The following ME2 variants were observed in gnomAD, a reference collection of about 807,000 sequenced individuals.
ME2 encodes the protein NAD-dependent malic enzyme, mitochondrial.
Under a neutral mutation model 73.7 loss-of-function variants are expected in ME2, and 60 were observed. The observed-to-expected ratio is 0.81, with a 90% CI of 0.66 to 1.01. The LOEUF (loss-of-function observed/expected upper bound fraction) is 1.01, where lower values mean the gene tolerates loss of function less well. Ranked by LOEUF, ME2 falls within the 50% of genes least tolerant of loss-of-function variation. The probability of loss-of-function intolerance (pLI) is 0.00; values close to 1 mark genes in which losing one functional copy is unlikely to be tolerated. For missense variants in ME2, 594 were observed against 705.5 expected (o/e 0.84, Z 1.79); for synonymous variants, 199 against 236.9 (o/e 0.84, Z 1.47).
intron 3 of ME2, among the ~76,000 whole-genome samples, 185 bp from the exon 4 acceptor site, chr18:50,912,616 A>G (rs1011875409): frequency 1.3e-5 from 2 of 152,002 alleles, no homozygotes; most frequent in Admixed American, 6.6e-5. Context: ...GTACCCTCAT[A>G]TTTTTGTTAA....
intron 1 of ME2, among the ~76,000 whole-genome samples, chr18:50,882,352 C>T (rs1599079357): frequency 2.0e-5 from 3 of 152,108 alleles, no homozygotes; most frequent in Admixed American, 2.0e-4. Context: ...TAGACTATTT[C>T]GTATGGGTTT....
At chr18:50,895,985 T>G in intron 2 of ME2, 57 bp downstream of exon 2, 3 of 1,171,636 alleles carry the variant, frequency 2.6e-6, no homozygotes, top group African/African-American at 1.5e-5. Flanking sequence ...GTTTGATATA[T>G]TTAAGACTGA....
chr18:50,930,590 A>G (rs1478025581), intron 12 of ME2, among the ~76,000 whole-genome samples: 1 of 152,202 alleles, frequency 6.6e-6, no homozygotes, highest in Non-Finnish European at 1.5e-5. Context: ...GGAGGCAGGG[A>G]TGGTGACCTG....
intron 2 of ME2, among the ~76,000 whole-genome samples, chr18:50,901,474 T>C (rs1916888015): frequency 6.6e-6 from 1 of 152,212 alleles, no homozygotes; most frequent in South Asian, 2.1e-4. Context: ...AAATATTTGG[T>C]TGAATCAGAG....
rs1394648882 is a variant in ME2, at chr18:50,951,535, G to A, written c.*4351G>A. On this transcript the variant is annotated 3_prime_UTR_variant, in exon 16 of 16. Transcript: ENST00000321341. ...ATTCTTTTCTCCTCTCTTCTTTGACGTGTTACGTTGTCTTTTTTTTTTTTT... is the reference window on the plus strand; with the variant it reads ...ATTCTTTTCTCCTCTCTTCTTTGACATGTTACGTTGTCTTTTTTTTTTTTT... The A allele has an allele frequency of 2.1e-5, 3 of 141,208 alleles. No individual in the cohort carries two copies. The highest frequency in any genetic ancestry group is 8.0e-5 in the Admixed American group (1 of 12,546). 8.7% of individuals were successfully genotyped at this position (141,208 alleles called of 1,614,324 possible). A position where few individuals can be genotyped will look rare whatever the true frequency, so the allele number is the denominator to read the frequency against.
At chr18:50,913,925 T>A (rs886969760) in intron 4 of ME2, among the ~76,000 whole-genome samples, 4 of 150,808 alleles carry the variant, frequency 2.7e-5, no homozygotes, top group African/African-American at 9.8e-5. Context: ...GTTTTCTTAT[T>A]CCTCTAATCC....
At chr18:50,894,301 C>T (rs551466782) in intron 1 of ME2, among the ~76,000 whole-genome samples, 3 of 152,314 alleles carry the variant, frequency 2.0e-5, no homozygotes, top group Non-Finnish European at 4.4e-5. Context: ...CGGTGGCCCA[C>T]GCCTGTAATC....
chr18:50,900,871 T>G, intron 2 of ME2, among the ~76,000 whole-genome samples: 1 of 152,210 alleles, frequency 6.6e-6, no homozygotes, highest in Non-Finnish European at 1.5e-5. Context: ...GTAAGTTTCC[T>G]GAGGTCTCCC....
At chr18:50,924,252 C>A (rs765484060) in intron 11 of ME2, 40 bp downstream of exon 11, 1 of 1,320,476 alleles carries the variant, frequency 7.6e-7, no homozygotes, top group Non-Finnish European at 1.1e-6. Context: ...TACTCCCTAA[C>A]TGTATGTTGC....
At chr18:50,940,743 G>A (rs1917929734) in intron 15 of ME2, among the ~76,000 whole-genome samples, 1 of 152,148 alleles carries the variant, frequency 6.6e-6, no homozygotes, top group African/African-American at 2.4e-5. Context: ...TTGGATTACT[G>A]GCATGAGCCA....
In ME2 at chr18:50,949,586, C is replaced by A. The variant is rs1421573511; in HGVS notation, c.*2402C>A. 6.6e-6 allele frequency: 1 copy of A among 152,112 alleles called. No homozygotes were observed. Among genetic ancestry groups the A allele is most frequent in the Non-Finnish European group, 1.5e-5 (1 of 68,012 alleles). 9.4% of individuals were successfully genotyped at this position (152,112 alleles called of 1,614,324 possible). ...GTGTGAAATCTTGATTTTAGTTCAA[C>A]CTAAGAAATATAATAAATATAAACC... On this transcript the variant is annotated 3_prime_UTR_variant, in exon 16 of 16. Transcript: ENST00000321341.
At chr18:50,939,140 G>GAA (rs56350434) in intron 13 of ME2, 65 of 118,536 alleles carry the variant, frequency 5.5e-4, no homozygotes, top group Non-Finnish European at 8.6e-4. Context: ...AAAAAAAAAA[G>GAA]AAAAAAAAAA....
intron 2 of ME2, among the ~76,000 whole-genome samples, chr18:50,900,270 TTTTA>T (rs201561556): frequency 0.61 from 85,568 of 140,692 alleles, 26,316 homozygotes; most frequent in South Asian, 0.72. Context: ...GTAAGAATAA[TTTTA>T]TTTATTTATT....
intron 12 of ME2, among the ~76,000 whole-genome samples, chr18:50,929,350 G>A (rs567023900): frequency 6.6e-5 from 10 of 151,776 alleles, no homozygotes; most frequent in Middle Eastern, 3.4e-3. Context: ...TTAGCCAGGT[G>A]TGGTGGCTCA....
intron 13 of ME2, among the ~76,000 whole-genome samples, chr18:50,938,282 C>T (rs890213900): frequency 1.3e-5 from 2 of 152,086 alleles, no homozygotes; most frequent in African/African-American, 4.8e-5. Flanking sequence ...TGAGCTTGTG[C>T]CACTGTACTC....
At chr18:50,886,779 TC>T (rs368677984) in intron 1 of ME2, among the ~76,000 whole-genome samples, 1 of 151,862 alleles carries the variant, frequency 6.6e-6, no homozygotes, top group African/African-American at 2.4e-5. Flanking sequence ...GACTGACAGA[TC>T]AATTGAGGCC....
At chr18:50,900,019 A>G (rs1381437750) in intron 2 of ME2, among the ~76,000 whole-genome samples, 2 of 152,198 alleles carry the variant, frequency 1.3e-5, no homozygotes, top group African/African-American at 4.8e-5. Context: ...TGGATTAGAT[A>G]GGAGTTTTGT....
At chr18:50,901,132 A>C (rs2144206280) in intron 2 of ME2, among the ~76,000 whole-genome samples, 1 of 152,276 alleles carries the variant, frequency 6.6e-6, no homozygotes, top group East Asian at 1.9e-4. Flanking sequence ...ATTTCATCTC[A>C]ATTAACACAT....
intron 1 of ME2, among the ~76,000 whole-genome samples, chr18:50,893,181 A>G (rs1448011760): frequency 1.3e-5 from 2 of 150,950 alleles, no homozygotes; most frequent in African/African-American, 4.9e-5. Context: ...AATACTTATT[A>G]TAAAATAATA....
Sources: gnomAD v4.1 joint callset for allele counts (sites outside exome capture counted in the v4.1 genomes callset) on GRCh38, gnomAD v4.1.1 for gene constraint, MANE v1.5 for transcripts, NCBI Gene and HGNC (gene_info 2026-07-23, HGNC 2026-07-21) for gene names.